Variants in MME observed in about 807,000 individuals in gnomAD.
The protein encoded by MME is neprilysin.
A neutral mutation model predicts 113.2 loss-of-function variants in MME; 98 were observed. That is an observed-to-expected ratio of 0.87 (90% CI 0.74 to 1.02). MME has a LOEUF of 1.02. Ranked by LOEUF, MME falls within the 50% of genes least tolerant of loss-of-function variation. The pLI is 0.00. For missense variants in MME, 836 were observed against 896.0 expected, an observed-to-expected ratio of 0.93 and a Z score of 0.86; for synonymous variants, 292 against 300.6, an observed-to-expected ratio of 0.97 and a Z score of 0.30.
At position 155,083,268 on chromosome 3, in the gene MME, G is replaced by A. The variant is rs1454102763; in HGVS notation, c.-10-890G>A. On this transcript the variant is annotated intron_variant, in intron 1 of 22. Coordinates refer to ENST00000360490, the MANE Select transcript of MME (RefSeq NM_007289.4). ...TGAACACGTTGCCTGACTTCTCTGT[G>A]CCCCAGTTTCCTAATTCTTTATTCT... Among the ~76,000 whole-genome samples the A allele has an allele frequency of 2.6e-5, 4 of 152,064 alleles. No homozygotes were observed. In the East Asian group the frequency reaches 5.8e-4, roughly 22 times the overall value.
At chr3:155,119,625 A>C (rs1428918779) in intron 8 of MME, among the ~76,000 whole-genome samples, 9 of 136,710 alleles carry the variant, frequency 6.6e-5, no homozygotes, top group African/African-American at 2.2e-4. Flanking sequence ...TGTCCATGTG[A>C]TCTCATTGTT....
intron 8 of MME, among the ~76,000 whole-genome samples, chr3:155,124,312 A>G (rs2108273828): frequency 6.6e-6 from 1 of 152,006 alleles, no homozygotes; most frequent in South Asian, 2.1e-4. Context: ...TTCTAGTTAT[A>G]CATTCTTCTA....
chr3:155,076,721 G>A (rs1714760956), upstream of MME, among the ~76,000 whole-genome samples: 1 of 152,174 alleles, frequency 6.6e-6, no homozygotes, highest in Non-Finnish European at 1.5e-5. Context: ...TGCCAAACAA[G>A]GGGTAGATTA....
At chr3:155,126,993 G>A (rs1446591136) in intron 8 of MME, among the ~76,000 whole-genome samples, 3 of 143,508 alleles carry the variant, frequency 2.1e-5, no homozygotes, top group Non-Finnish European at 4.5e-5. Flanking sequence ...GGCAACAAGA[G>A]CGAAACTCCA....
intron 1 of MME, among the ~76,000 whole-genome samples, chr3:155,059,194 G>T (rs1483754010): frequency 6.9e-6 from 1 of 144,654 alleles, no homozygotes; most frequent in Non-Finnish European, 1.5e-5. Flanking sequence ...GGCAGAGGTT[G>T]CAGTCAGTGA....
chr3:155,172,808 T>A (rs1447554383), intron 22 of MME, among the ~76,000 whole-genome samples, 196 bp downstream of exon 22: 1 of 151,994 alleles, frequency 6.6e-6, no homozygotes, highest in Non-Finnish European at 1.5e-5. Context: ...CCACTCTCTT[T>A]CTTAGAATCT....
chr3:155,180,726 T>C lies in MME; in HGVS notation c.*267T>C. 2.4e-6 allele frequency: 1 copy of C among 409,710 alleles called. No homozygotes were observed. Among genetic ancestry groups the C allele is most frequent in the East Asian group, 5.2e-5 (1 of 19,118 alleles). The allele number at this position is 409,710 out of a possible 1,614,324, so 25.4% of individuals were successfully genotyped here. A position where few individuals can be genotyped will look rare whatever the true frequency, so the allele number is the denominator to read the frequency against. ...TAAAGATAATATTACTGTTTATTTC[T>C]GTTTCTCATATGGTCTACCAGTTTG... On this transcript the variant is annotated 3_prime_UTR_variant, in exon 23 of 23. Transcript: ENST00000360490.
At chr3:155,153,094 T>C (rs1444794040) in intron 16 of MME, among the ~76,000 whole-genome samples, 2 of 151,352 alleles carry the variant, frequency 1.3e-5, no homozygotes, top group African/African-American at 2.4e-5. Flanking sequence ...TGGAGTGCAG[T>C]GACACCATCT....
At chr3:155,126,563 T>C (rs1719676418) in intron 8 of MME, among the ~76,000 whole-genome samples, 1 of 152,120 alleles carries the variant, frequency 6.6e-6, no homozygotes. Context: ...AAATTTTGAA[T>C]TAGTTGTCAA....
chr3:155,099,954 G>A (rs970898027), intron 3 of MME, among the ~76,000 whole-genome samples: 1 of 152,162 alleles, frequency 6.6e-6, no homozygotes, highest in Non-Finnish European at 1.5e-5. Context: ...TCTAGTTCAA[G>A]AAAACCGAGG....
chr3:155,108,824 G>A (rs1022577490), intron 3 of MME, among the ~76,000 whole-genome samples: 1 of 152,084 alleles, frequency 6.6e-6, no homozygotes, highest in African/African-American at 2.4e-5. Context: ...TATTAAGATA[G>A]TTGTTGTGTA....
chr3:155,069,504 T>A (rs770764018), intron 1 of MME, among the ~76,000 whole-genome samples: 3 of 152,188 alleles, frequency 2.0e-5, no homozygotes, highest in Non-Finnish European at 4.4e-5. Flanking sequence ...GGAAGGAAGA[T>A]GAAAATCCCA....
intron 16 of MME, chr3:155,158,489 C>G (rs1207215179): frequency 6.6e-6 from 1 of 152,048 alleles, no homozygotes; most frequent in Non-Finnish European, 1.5e-5. Flanking sequence ...GTAGTAAGAG[C>G]ACATTTTCCA....
chr3:155,138,076 A>C lies in MME; in HGVS notation c.721-26A>C, dbSNP rs200298222. 1.9e-5 allele frequency: 31 copies of C among 1,612,858 alleles called. No homozygotes were observed. In the Middle Eastern group the frequency reaches 1.7e-3, roughly 86 times the overall value. On this transcript the variant is annotated intron_variant, in intron 8 of 22. Coordinates refer to ENST00000360490, the MANE Select transcript of MME (RefSeq NM_007289.4). ...GATGAATATTTAGAGCTACTCCAAC[A>C]GTTTAGTGCTATTTTTTTCTTGCAG...
Position 155,168,729 on chromosome 3 carries a change from C to T in MME, c.1915-3C>T. 2.5e-6 allele frequency: 4 copies of T among 1,612,776 alleles called. No homozygotes were observed. Among genetic ancestry groups the T allele is most frequent in the Non-Finnish European group, 3.4e-6 (4 of 1,179,032 alleles). On this transcript the variant is annotated splice_region_variant and splice_polypyrimidine_tract_variant and intron_variant, in intron 19 of 22. Coordinates refer to ENST00000360490, the MANE Select transcript of MME (RefSeq NM_007289.4). ...AATCCTAATAAAGTGTCTTTTTTAA[C>T]AGCTTAATGGAATTAATACACTGGG...
intron 1 of MME, among the ~76,000 whole-genome samples, chr3:155,053,681 T>G (rs186129158): frequency 8.5e-5 from 13 of 152,154 alleles, no homozygotes; most frequent in Non-Finnish European, 1.0e-4. Flanking sequence ...GAAGACAAAA[T>G]GAAGGAAGGC....
intron 17 of MME, among the ~76,000 whole-genome samples, chr3:155,162,503 C>T (rs967313525): frequency 6.6e-6 from 1 of 151,942 alleles, no homozygotes; most frequent in Non-Finnish European, 1.5e-5. Context: ...TAAAAAAGAC[C>T]TTTTCCAAGA....
Position 155,160,398 on chromosome 3 carries a change from G to A in MME, c.1610G>A (p.Ser537Asn), listed in dbSNP as rs771089996. The A allele has an allele frequency of 4.4e-6, 7 of 1,606,892 alleles. No homozygotes were observed. In the African/African-American group the frequency reaches 5.4e-5, roughly 12 times the overall value. ...TCTTATGTTTTCTACAGGTGGATAA[G>A]TGGAGCAGCTGTAGTCAATGCATTT... The part of the protein sequence containing the change: ...REKVDKDEWI[S>N]GAAVVNAFYS... The change falls in exon 17 of 23, where the codon AGT (serine) becomes AAT (asparagine). Residue 537 changes from serine to asparagine, a missense_variant. Physicochemically the swap from Ser to Asn is conservative, Grantham distance 46. Transcript: ENST00000360490.
chr3:155,144,672 A>G (rs1270507762), intron 14 of MME, among the ~76,000 whole-genome samples: 1 of 152,140 alleles, frequency 6.6e-6, no homozygotes, highest in Non-Finnish European at 1.5e-5. Context: ...AGCAAGGTGA[A>G]AATATTAAGT....
Sources: gnomAD v4.1 joint callset for allele counts (sites outside exome capture counted in the v4.1 genomes callset) on GRCh38, gnomAD v4.1.1 for gene constraint, MANE v1.5 for transcripts, NCBI Gene and HGNC (gene_info 2026-07-23, HGNC 2026-07-21) for gene names.